TSPAN11: variants seen among roughly 807,000 people sequenced by gnomAD.
The protein encoded by TSPAN11 is tetraspanin-11.
Under a neutral mutation model 32.9 loss-of-function variants are expected in TSPAN11, and 29 were observed. That is an observed-to-expected ratio of 0.88 (90% CI 0.66 to 1.20). The LOEUF is 1.20. TSPAN11 is among the 50% of genes most tolerant of loss of function. The probability of loss-of-function intolerance (pLI) is 0.00; values close to 1 mark genes in which losing one functional copy is unlikely to be tolerated. For synonymous variants in TSPAN11, 140 were observed against 141.3 expected (o/e 0.99, Z 0.07); for missense variants, 283 against 329.1 (o/e 0.86, Z 1.08).
At chr12:30,980,777 C>T (rs964929075) in intron 5 of TSPAN11, among the ~76,000 whole-genome samples, 1 of 152,196 alleles carries the variant, frequency 6.6e-6, no homozygotes, top group Non-Finnish European at 1.5e-5. Flanking sequence ...TGCACACCCA[C>T]AGACACACTC....
intron 6 of TSPAN11, 58 bp from the exon 7 acceptor site, chr12:30,983,006 C>T (rs1592494823): frequency 1.6e-5 from 25 of 1,553,096 alleles, no homozygotes; most frequent in African/African-American, 2.7e-5. Context: ...GCCCGCCCTC[C>T]GTCCCCACCC....
At chr12:30,970,416 ACACAGTGTGATCTC>A (rs1446095963) in intron 3 of TSPAN11, among the ~76,000 whole-genome samples, 2 of 152,168 alleles carry the variant, frequency 1.3e-5, no homozygotes, top group African/African-American at 2.4e-5. Context: ...ACTGGAACAC[ACACAGTGTGATCTC>A]CTTAGACCCC....
At chr12:30,947,620 A>G (rs1421038249) in intron 1 of TSPAN11, among the ~76,000 whole-genome samples, 2 of 152,204 alleles carry the variant, frequency 1.3e-5, no homozygotes, top group Non-Finnish European at 2.9e-5. Flanking sequence ...CATGAGACTT[A>G]TTCACTGTCA....
chr12:30,941,538 G>A (rs1035367007), intron 1 of TSPAN11, among the ~76,000 whole-genome samples: 2 of 152,334 alleles, frequency 1.3e-5, no homozygotes, highest in African/African-American at 4.8e-5. Flanking sequence ...AGGCCCAAAG[G>A]CAAGGAGCAA....
At chr12:30,957,094 C>T (rs1426649581) in intron 2 of TSPAN11, among the ~76,000 whole-genome samples, 1 of 152,228 alleles carries the variant, frequency 6.6e-6, no homozygotes, top group Non-Finnish European at 1.5e-5. Flanking sequence ...TCTGCCGAGT[C>T]TCAAAGCCCT....
chr12:30,968,604 T>C (rs1331295027), intron 3 of TSPAN11, among the ~76,000 whole-genome samples: 1 of 152,148 alleles, frequency 6.6e-6, no homozygotes, highest in Admixed American at 6.5e-5. Flanking sequence ...GCCACCTAGA[T>C]CAAAAGAAAG....
chr12:30,949,698 C>G (rs1938343139), intron 1 of TSPAN11, among the ~76,000 whole-genome samples: 1 of 152,144 alleles, frequency 6.6e-6, no homozygotes. Flanking sequence ...TTTCCCAGGC[C>G]TCCTAGCTGC....
intron 2 of TSPAN11, among the ~76,000 whole-genome samples, chr12:30,958,410 C>A (rs111562495): frequency 0.013 from 1,951 of 152,264 alleles, 44 homozygotes; most frequent in African/African-American, 0.042. Context: ...CAGAGAAGGT[C>A]ATTCATGAGG....
intron 4 of TSPAN11, among the ~76,000 whole-genome samples, chr12:30,979,344 C>T (rs193114613): frequency 6.6e-6 from 1 of 152,316 alleles, no homozygotes; most frequent in Admixed American, 6.5e-5. Context: ...CATCACACCT[C>T]TGCCCTAAGT....
At position 30,953,982 on chromosome 12, in the gene TSPAN11, C is replaced by T; in HGVS notation, c.-10C>T. On this transcript the variant is annotated splice_region_variant and 5_prime_UTR_variant, in exon 2 of 8. Coordinates refer to ENST00000546076, the MANE Select transcript of TSPAN11 (RefSeq NM_001370302.1). ...CCAGCATATGTGTCTTCTCTGCAGG[C>T]CCAGAAGCCATGGCCCACTATAAGA... 3 of 1,611,112 alleles carry T rather than the reference C, an allele frequency of 1.9e-6. No homozygotes were observed. The highest frequency in any genetic ancestry group is 2.5e-6 in the Non-Finnish European group (3 of 1,178,180).
chr12:30,964,923 TC>T (rs1489897423), intron 3 of TSPAN11, among the ~76,000 whole-genome samples: 2 of 152,174 alleles, frequency 1.3e-5, no homozygotes, highest in African/African-American at 4.8e-5. Flanking sequence ...GGTTTTGAGC[TC>T]TTTTTCAGCA....
intron 1 of TSPAN11, 43 bp downstream of exon 1, chr12:30,926,839 G>C: frequency 1.1e-6 from 1 of 892,462 alleles, no homozygotes; most frequent in African/African-American, 1.8e-5. Flanking sequence ...CGCCGCGGGA[G>C]GGGGCTGGGG....
intron 1 of TSPAN11, among the ~76,000 whole-genome samples, chr12:30,942,853 T>C (rs1439927423): frequency 6.6e-6 from 1 of 152,194 alleles, no homozygotes; most frequent in Admixed American, 6.5e-5. Flanking sequence ...TCCATGTGAC[T>C]CTGTAGTTAG....
intron 7 of TSPAN11, 75 bp from the exon 8 acceptor site, chr12:30,991,781 C>T (rs1364461621): frequency 6.5e-7 from 1 of 1,539,624 alleles, no homozygotes; most frequent in East Asian, 2.3e-5. Context: ...AGCAGCACTG[C>T]TCCAGGGCCC....
intron 3 of TSPAN11, among the ~76,000 whole-genome samples, chr12:30,964,521 C>T (rs1304731888): frequency 6.6e-6 from 1 of 151,940 alleles, no homozygotes; most frequent in Non-Finnish European, 1.5e-5. Context: ...CATGAAGCTC[C>T]ATCTTCCCTT....
chr12:30,976,490 C>G (rs1938974259), intron 3 of TSPAN11, among the ~76,000 whole-genome samples: 2 of 152,130 alleles, frequency 1.3e-5, no homozygotes, highest in Non-Finnish European at 2.9e-5. Flanking sequence ...CCCTGCTTCT[C>G]AGAGGCTCCT....
intron 1 of TSPAN11, 90 bp from the exon 2 acceptor site, chr12:30,953,891 G>A: frequency 1.1e-6 from 1 of 919,970 alleles, no homozygotes; most frequent in Non-Finnish European, 1.7e-6. Flanking sequence ...TGAGCCCTTT[G>A]AAGGGAGCCT....
rs1939321516 is a variant in TSPAN11, at chr12:30,991,928, T to G, written c.*13T>G. 2.5e-6 allele frequency: 4 copies of G among 1,614,090 alleles called. No individual in the cohort carries two copies. In the African/African-American group the frequency reaches 5.3e-5, roughly 22 times the overall value. ...GCATTTTTACTAATGGCCAACCACC[T>G]CCTCTTCCAACTGCCCCTCAAGACA... On this transcript the variant is annotated 3_prime_UTR_variant, in exon 8 of 8. Coordinates refer to ENST00000546076, the MANE Select transcript of TSPAN11 (RefSeq NM_001370302.1).
chr12:30,962,627 G>A (rs1278820907), intron 2 of TSPAN11, among the ~76,000 whole-genome samples: 1 of 152,210 alleles, frequency 6.6e-6, no homozygotes, highest in Non-Finnish European at 1.5e-5. Context: ...TCTTCCTGGG[G>A]CAGATGGGGA....
Sources: gnomAD v4.1 joint callset for allele counts (sites outside exome capture counted in the v4.1 genomes callset) on GRCh38, gnomAD v4.1.1 for gene constraint, MANE v1.5 for transcripts, NCBI Gene and HGNC (gene_info 2026-07-23, HGNC 2026-07-21) for gene names.